TRAF3: variants seen among roughly 807,000 people sequenced by gnomAD.
TRAF3 encodes the protein TNF receptor-associated factor 3.
TRAF3 carries 13 observed loss-of-function variants against 62.3 expected under a neutral mutation model. The observed-to-expected ratio is 0.21, with a 90% confidence interval of 0.14 to 0.33. TRAF3 has a LOEUF of 0.33. Ranked by LOEUF, TRAF3 falls within the 10% of genes least tolerant of loss-of-function variation. The pLI, the probability that TRAF3 is intolerant of heterozygous loss-of-function variation, is 1.00. For missense variants in TRAF3, 440 were observed against 741.8 expected (o/e 0.59, Z 4.73); for synonymous variants, 269 against 283.4 (o/e 0.95, Z 0.51).
chr14:102,831,317 C>G (rs148187160), intron 2 of TRAF3, among the ~76,000 whole-genome samples: 16 of 152,282 alleles, frequency 1.1e-4, no homozygotes, highest in African/African-American at 3.4e-4. Flanking sequence ...CACAGGAGGA[C>G]CACACAGTGA....
In TRAF3 at chr14:102,903,556, G is replaced by T; in HGVS notation, c.1135+127G>T. 2 of 1,321,650 alleles carry T rather than the reference G, an allele frequency of 1.5e-6. No homozygotes were observed. The highest frequency in any genetic ancestry group is 2.1e-6 in the Non-Finnish European group (2 of 944,976). The allele number at this position is 1,321,650 out of a possible 1,614,324, so 81.9% of individuals were successfully genotyped here. ...TTAGGACAGTTTTTTCTAATTATGGGTAACACGCAGAGGTGTGATGACTTT... is the reference window on the plus strand; with the variant it reads ...TTAGGACAGTTTTTTCTAATTATGGTTAACACGCAGAGGTGTGATGACTTT... On this transcript the variant is annotated intron_variant, in intron 11 of 11. Coordinates refer to ENST00000392745, the MANE Select transcript of TRAF3 (RefSeq NM_145725.3). This position sits in a 1 kb window ranked among gnomAD's most constrained non-coding sequence, Gnocchi z 6.4.
chr14:102,803,322 C>T (rs1005592153), intron 1 of TRAF3, among the ~76,000 whole-genome samples: 4 of 152,114 alleles, frequency 2.6e-5, no homozygotes, highest in African/African-American at 9.7e-5. Context: ...CCAGATGGTG[C>T]ACATAAGGAG....
At chr14:102,877,567 A>G (rs1888772900) in intron 6 of TRAF3, among the ~76,000 whole-genome samples, 1 of 144,578 alleles carries the variant, frequency 6.9e-6, no homozygotes, top group South Asian at 2.3e-4. Context: ...TGCTCAGCTC[A>G]TAGATAATCC....
At chr14:102,785,468 A>G (rs143688345) in intron 1 of TRAF3, among the ~76,000 whole-genome samples, 37 of 152,298 alleles carry the variant, frequency 2.4e-4, no homozygotes, top group Middle Eastern at 3.4e-3. Context: ...TAATAATGAT[A>G]GTATTTAGTC....
At chr14:102,904,253 A>G (rs967347651) in intron 11 of TRAF3, among the ~76,000 whole-genome samples, 1 of 152,240 alleles carries the variant, frequency 6.6e-6, no homozygotes, top group African/African-American at 2.4e-5. Flanking sequence ...GGCTGTGGGC[A>G]TGAGAGCTGT....
At position 102,906,438 on chromosome 14, in the gene TRAF3, G is replaced by A. The variant is rs1166868575; in HGVS notation, c.*654G>A. ...TACTGCAAACATTTTATTTTAAAAC[G>A]TTGATAGACTGATATTTCTTGGAAG... On this transcript the variant is annotated 3_prime_UTR_variant, in exon 12 of 12. Transcript: ENST00000392745. The A allele has an allele frequency of 6.6e-6, 1 of 152,274 alleles. No individual in the cohort carries two copies. Among genetic ancestry groups the A allele is most frequent in the Non-Finnish European group, 1.5e-5 (1 of 68,022 alleles). 9.4% of individuals were successfully genotyped at this position (152,274 alleles called of 1,614,324 possible).
chr14:102,801,347 T>A (rs893193241), intron 1 of TRAF3, among the ~76,000 whole-genome samples: 1 of 152,100 alleles, frequency 6.6e-6, no homozygotes, highest in South Asian at 2.1e-4. Context: ...ATATAAAATA[T>A]GCGTACAATA....
chr14:102,785,976 C>T (rs916268127), intron 1 of TRAF3, among the ~76,000 whole-genome samples: 7 of 152,186 alleles, frequency 4.6e-5, no homozygotes, highest in Non-Finnish European at 8.8e-5. Flanking sequence ...AAGGATATTT[C>T]TGTGCATCTG....
intron 1 of TRAF3, among the ~76,000 whole-genome samples, chr14:102,786,345 T>C (rs1023137628): frequency 3.9e-5 from 6 of 152,198 alleles, no homozygotes; most frequent in Non-Finnish European, 7.3e-5. Context: ...ATTACAATGA[T>C]AAATTTTATG....
chr14:102,856,109 A>G (rs914155777), intron 2 of TRAF3, among the ~76,000 whole-genome samples: 6 of 149,668 alleles, frequency 4.0e-5, no homozygotes, highest in African/African-American at 1.5e-4. Context: ...AAAAAAAAAA[A>G]AAAAAAAAAA....
At chr14:102,816,894 C>G (rs1234686280) in intron 1 of TRAF3, among the ~76,000 whole-genome samples, 1 of 152,192 alleles carries the variant, frequency 6.6e-6, no homozygotes, top group Non-Finnish European at 1.5e-5. Context: ...GCAGACTCGA[C>G]CCTGTGGGTC....
At chr14:102,897,495 C>CTT (rs1203169268) in intron 10 of TRAF3, 94 bp downstream of exon 10, 2 of 1,511,020 alleles carry the variant, frequency 1.3e-6, no homozygotes, top group African/African-American at 2.8e-5. Context: ...GAGCTGAGTC[C>CTT]TTGACCTTTG....
At chr14:102,778,176 T>A (rs1897109994) in intron 1 of TRAF3, among the ~76,000 whole-genome samples, 1 of 150,680 alleles carries the variant, frequency 6.6e-6, no homozygotes, top group Admixed American at 6.6e-5. Flanking sequence ...CTCCGACCGC[T>A]TGGCGGGCGG....
In TRAF3 at chr14:102,834,686, T is replaced by TGAAA. The variant is rs1885875033; in HGVS notation, c.-18+4214_-18+4215insGAAA. On this transcript the variant is annotated intron_variant, in intron 2 of 11. Coordinates refer to ENST00000392745, the MANE Select transcript of TRAF3 (RefSeq NM_145725.3). ...CTGGGTGACAGAGCGAGACTCCGTC[T>TGAAA]CAAAAAAAAAAAAAAAAAAAAGAAA... 8.9e-5 allele frequency among the ~76,000 whole-genome samples: 4 copies of TGAAA among 45,016 alleles called. No individual in the cohort carries two copies. In the African/African-American group the frequency reaches 1.6e-3, roughly 18 times the overall value. The allele number at this position is 45,016 out of a possible 152,430, so 29.5% of individuals were successfully genotyped here. A position where few individuals can be genotyped will look rare whatever the true frequency, so the allele number is the denominator to read the frequency against.
intron 1 of TRAF3, among the ~76,000 whole-genome samples, chr14:102,787,904 T>C (rs1027139683): frequency 6.8e-6 from 1 of 148,060 alleles, no homozygotes; most frequent in African/African-American, 2.5e-5. Flanking sequence ...CAGGCTGGAG[T>C]GCAGTGGTGT....
chr14:102,782,632 TGGG>T (rs1056163322), intron 1 of TRAF3, among the ~76,000 whole-genome samples: 2 of 152,072 alleles, frequency 1.3e-5, no homozygotes, highest in Admixed American at 6.6e-5. Flanking sequence ...ACTGAAAAAT[TGGG>T]GGCCCTACAT....
chr14:102,892,915 G>A (rs753227172), intron 9 of TRAF3, among the ~76,000 whole-genome samples: 6 of 152,212 alleles, frequency 3.9e-5, no homozygotes, highest in Non-Finnish European at 8.8e-5. Flanking sequence ...CCATCTTCCC[G>A]TGAGCATAGA....
At chr14:102,852,381 GTGT>G (rs1371434476) in intron 2 of TRAF3, among the ~76,000 whole-genome samples, 1 of 152,172 alleles carries the variant, frequency 6.6e-6, no homozygotes, top group Non-Finnish European at 1.5e-5. Context: ...GTACTTGTAG[GTGT>G]TGTTGTTCCA....
At chr14:102,887,670 G>C (rs943614157) in intron 7 of TRAF3, among the ~76,000 whole-genome samples, 1 of 151,800 alleles carries the variant, frequency 6.6e-6, no homozygotes, top group Non-Finnish European at 1.5e-5. Flanking sequence ...TCTCGGCTCA[G>C]TGCATGCTCT....
Sources: gnomAD v4.1 joint callset for allele counts (sites outside exome capture counted in the v4.1 genomes callset) on GRCh38, gnomAD v4.1.1 for gene constraint, Gnocchi (gnomAD v3.1) non-coding constraint, MANE v1.5 for transcripts, NCBI Gene and HGNC (gene_info 2026-07-23, HGNC 2026-07-21) for gene names.